Variants in MLH3 observed in about 807,000 individuals in gnomAD.
MLH3 encodes DNA mismatch repair protein Mlh3.
MLH3 carries 82 observed loss-of-function variants against 122.2 expected under a neutral mutation model. The ratio of observed to expected loss-of-function variants is 0.67; its 90% CI spans 0.56 to 0.81. The LOEUF (loss-of-function observed/expected upper bound fraction) is 0.81. Among genes scored for constraint, MLH3 ranks in the 30% least tolerant of loss-of-function variants. The pLI, the probability that MLH3 is intolerant of heterozygous loss-of-function variation, is 0.00. For synonymous variants in MLH3, 524 were observed against 599.5 expected (o/e 0.87, Z 1.84); for missense variants, 1,539 against 1,714.5 (o/e 0.90, Z 1.81).
Position 75,015,303 on chromosome 14 carries a change from A to C in MLH3, c.*1779T>G, listed in dbSNP as rs1284603313. 1 of 177,104 alleles carries C rather than the reference A, an allele frequency of 5.6e-6. No individual in the cohort carries two copies. Among genetic ancestry groups the C allele is most frequent in the Non-Finnish European group, 1.2e-5 (1 of 82,340 alleles). The allele number at this position is 177,104 out of a possible 1,614,324, so 11.0% of individuals were successfully genotyped here. On this transcript the variant is annotated 3_prime_UTR_variant, in exon 13 of 13. Transcript: ENST00000355774. The stretch of plus-strand genomic sequence containing the variant: ...TCTCTTACATTGCTTGAGTCAGGCT[A>C]GTCAGGAAGGCCGGTTACATAATTT...
intron 4 of MLH3, 126 bp downstream of exon 4, chr14:75,041,489 C>T (rs1272674738): frequency 6.6e-6 from 5 of 756,380 alleles, no homozygotes; most frequent in South Asian, 3.1e-5. Context: ...GCGAAGGTTA[C>T]GTGAGCCGAG....
chr14:75,013,914 A>G lies in MLH3; in HGVS notation c.*3168T>C, dbSNP rs1450114066. 5 of 204,514 alleles carry G rather than the reference A, an allele frequency of 2.4e-5. No homozygotes were observed. The highest frequency in any genetic ancestry group is 1.1e-4 in the African/African-American group (5 of 43,752). 12.7% of individuals were successfully genotyped at this position (204,514 alleles called of 1,614,324 possible). A position where few individuals can be genotyped will look rare whatever the true frequency, so the allele number is the denominator to read the frequency against. On this transcript the variant is annotated 3_prime_UTR_variant, in exon 13 of 13. Coordinates refer to ENST00000355774, the MANE Select transcript of MLH3 (RefSeq NM_001040108.2). The stretch of plus-strand genomic sequence containing the variant: ...TTCAGCTTAGAGGGTAAAGACAGGC[A>G]TGATCGCGACTGGCCAGCATACTGG...
rs1892478451 is a variant in MLH3, at chr14:75,049,064, C to T, written c.592G>A (p.Val198Ile). ...SLRNDVSGSM[V>I]LQLPKTKDVC... Reference sequence around the variant, plus strand: ...TCTTTGGTTTTAGGGAGCTGAAGAACCATGGAACCAGAAACATCATTTCTC... The same window carrying T: ...TCTTTGGTTTTAGGGAGCTGAAGAATCATGGAACCAGAAACATCATTTCTC... Residue 198 changes from valine (V) to isoleucine (I), a missense_variant, in exon 2 of 13, where the codon GTT (valine) becomes ATT (isoleucine). By Grantham distance (29) the Val-to-Ile change is conservative. Coordinates refer to ENST00000355774, the MANE Select transcript of MLH3 (RefSeq NM_001040108.2). The T allele has an allele frequency of 1.2e-6, 2 of 1,614,040 alleles. No homozygotes were observed. Among genetic ancestry groups the T allele is most frequent in the East Asian group, 2.2e-5 (1 of 44,882 alleles).
In MLH3 at chr14:75,015,621, T is replaced by A. The variant is rs1889842767; in HGVS notation, c.*1461A>T. On this transcript the variant is annotated 3_prime_UTR_variant, in exon 13 of 13. Coordinates refer to ENST00000355774, the MANE Select transcript of MLH3 (RefSeq NM_001040108.2). The stretch of plus-strand genomic sequence containing the variant: ...TCCTTTCTAAGGTCATGTCTTCCCA[T>A]CTATAAAACATCCGTTTATATGTAT... 1 of 189,478 alleles carries A rather than the reference T, an allele frequency of 5.3e-6. No individual in the cohort carries two copies. Among genetic ancestry groups the A allele is most frequent in the Non-Finnish European group, 1.1e-5 (1 of 90,152 alleles). The allele number at this position is 189,478 out of a possible 1,614,324, so 11.7% of individuals were successfully genotyped here.
intron 2 of MLH3, among the ~76,000 whole-genome samples, chr14:75,045,199 G>A (rs184444014): frequency 5.0e-4 from 76 of 152,238 alleles, no homozygotes; most frequent in Non-Finnish European, 9.1e-4. Context: ...GTGTGGTAGC[G>A]GGTGCCTGTA....
At chr14:75,022,692 C>G (rs1235255095) in intron 11 of MLH3, 122 bp downstream of exon 11, 1 of 913,004 alleles carries the variant, frequency 1.1e-6, no homozygotes, top group Admixed American at 1.7e-5. Flanking sequence ...GTTTCTTGAT[C>G]TAAATTGTAT....
intron 9 of MLH3, among the ~76,000 whole-genome samples, chr14:75,026,730 C>T (rs1372107388): frequency 6.6e-6 from 1 of 152,138 alleles, no homozygotes; most frequent in Admixed American, 6.5e-5. Flanking sequence ...AGTGAACCAT[C>T]GTAAAAGCAA....
rs1892331244 is a variant in MLH3 at position 75,047,509 on chromosome 14, GA to G, written c.2146del (p.Ser716LeufsTer18). 12 of 1,614,116 alleles carry G rather than the reference GA, an allele frequency of 7.4e-6. No individual in the cohort carries two copies. The highest frequency in any genetic ancestry group is 1.0e-5 in the Non-Finnish European group (12 of 1,180,002). ...TDCILSDTSP[S>X]FPWYRHVSND... The stretch of plus-strand genomic sequence containing the variant: ...GGAAACGTGTCTATACCAGGGGAAA[GA>G]GGGGGATGTATCAGATAATATGCAA... On this transcript the variant is annotated frameshift_variant, in exon 2 of 13. Transcript: ENST00000355774. LOFTEE classifies it high-confidence loss of function.
chr14:75,042,339 G>A lies in MLH3; in HGVS notation c.3379+40C>T, dbSNP rs375460742. The A allele has an allele frequency of 1.5e-4, 236 of 1,531,810 alleles. No individual in the cohort carries two copies. Among genetic ancestry groups the A allele is most frequent in the Admixed American group, 1.4e-3 (83 of 59,924 alleles). 94.9% of individuals were successfully genotyped at this position (1,531,810 alleles called of 1,614,324 possible). ...CTTTGTTTTTTGAGTTAGGTGGTACGATGTGTACTGTGTGCCCCAGCACTC... is the reference window on the plus strand; with the variant it reads ...CTTTGTTTTTTGAGTTAGGTGGTACAATGTGTACTGTGTGCCCCAGCACTC... On this transcript the variant is annotated intron_variant, in intron 3 of 12. Coordinates refer to ENST00000355774, the MANE Select transcript of MLH3 (RefSeq NM_001040108.2).
chr14:75,021,126 C>T (rs1446191828), intron 11 of MLH3, among the ~76,000 whole-genome samples: 2 of 152,250 alleles, frequency 1.3e-5, no homozygotes, highest in East Asian at 3.8e-4. Flanking sequence ...ATCCATCCGC[C>T]TTGGTCTCCC....
Position 75,046,419 on chromosome 14 carries a change from A to C in MLH3, c.3237T>G (p.Thr1079=). ...CCACAGCCACAGTTGTCAGGTCTTT[A>C]GTACAAGCAGCCTGAATGTCCTCAG... The part of the protein sequence containing the change: ...APTEDIQAAC[T]KDLTTVAVDV... Residue 1079 remains threonine, a synonymous_variant, in exon 2 of 13, where the codon ACT becomes ACG. Transcript: ENST00000355774. The C allele has an allele frequency of 6.2e-7, 1 of 1,614,206 alleles. No individual in the cohort carries two copies. Among genetic ancestry groups the C allele is most frequent in the Non-Finnish European group, 8.5e-7 (1 of 1,180,028 alleles).
At chr14:75,023,846 C>T (rs1890446456) in intron 9 of MLH3, among the ~76,000 whole-genome samples, 1 of 152,220 alleles carries the variant, frequency 6.6e-6, no homozygotes, top group South Asian at 2.1e-4. Flanking sequence ...TAAAACCAGA[C>T]TCAGGAAATT....
chr14:75,019,041 T>C (rs2139298852), intron 11 of MLH3, 61 bp from the exon 12 acceptor site: 1 of 1,443,588 alleles, frequency 6.9e-7, no homozygotes, highest in Non-Finnish European at 9.7e-7. Flanking sequence ...AATGCTGACC[T>C]TGGGTCACTG....
chr14:75,043,096 C>A (rs938435516), intron 2 of MLH3, among the ~76,000 whole-genome samples: 2 of 152,098 alleles, frequency 1.3e-5, no homozygotes, highest in African/African-American at 4.8e-5. Context: ...TTCATTGTCA[C>A]AACTTGAGTA....
chr14:75,014,250 A>G lies in MLH3; in HGVS notation c.*2832T>C, dbSNP rs1209768307. On this transcript the variant is annotated 3_prime_UTR_variant, in exon 13 of 13. Transcript: ENST00000355774. ...TGCCTGGGTTTTTTCACTGTCTGCC[A>G]TGCGCAGATCCCAGCTGTTCATTTG... is the stretch of plus-strand genomic sequence containing the variant. 2 of 171,826 alleles carry G rather than the reference A, an allele frequency of 1.2e-5. No homozygotes were observed. Among genetic ancestry groups the G allele is most frequent in the South Asian group, 2.0e-4 (1 of 4,982 alleles). 10.6% of individuals were successfully genotyped at this position (171,826 alleles called of 1,614,324 possible).
In MLH3 at chr14:75,045,236, A is replaced by G. The variant is rs549859101; in HGVS notation, c.3280+1140T>C. ...TCCCAGCTACTTGGGAGGCTGAGGC[A>G]GGAGGATCCCTTGAACCTGGGAGGC... On this transcript the variant is annotated intron_variant, in intron 2 of 12. Transcript: ENST00000355774. Among the ~76,000 whole-genome samples, 11 of 152,328 alleles carry G rather than the reference A, an allele frequency of 7.2e-5. No homozygotes were observed. In the East Asian group the frequency reaches 2.1e-3, roughly 29 times the overall value.
intron 9 of MLH3, 101 bp downstream of exon 9, chr14:75,030,442 T>C: frequency 8.2e-7 from 1 of 1,214,498 alleles, no homozygotes; most frequent in Non-Finnish European, 1.2e-6. Context: ...GTAAATACCA[T>C]GAATACTTGT....
In MLH3 at chr14:75,048,921, G is replaced by A. The variant is rs111782152; in HGVS notation, c.735C>T (p.Tyr245=). ...LSGYISSEAH[Y]NKNMQFLFVN... is the part of the protein sequence containing the mutation. ...CAAACAAAAACTGCATATTCTTGTT[G>A]TAATGTGCTTCAGAGCTGATATAGC... Residue 245 remains tyrosine (Y), a synonymous_variant, in exon 2 of 13, where the codon TAC becomes TAT. Coordinates refer to ENST00000355774, the MANE Select transcript of MLH3 (RefSeq NM_001040108.2). 2.9e-4 allele frequency: 464 copies of A among 1,613,344 alleles called. 1 individual carries two copies. The African/African-American group carries it at 5.3e-3, about 18-fold the overall frequency.
rs940809973 is a variant in MLH3 at position 75,014,116 on chromosome 14, C to T, written c.*2966G>A. 3.4e-5 allele frequency: 6 copies of T among 176,672 alleles called. No individual in the cohort carries two copies. Among genetic ancestry groups the T allele is most frequent in the South Asian group, 2.0e-4 (1 of 5,056 alleles). 10.9% of individuals were successfully genotyped at this position (176,672 alleles called of 1,614,324 possible). ...TCAGCTGAGCTGGCTTGTCAGGGCT[C>T]GCTAGGAACTGCTGAGCTGCATCTG... On this transcript the variant is annotated 3_prime_UTR_variant, in exon 13 of 13. Coordinates refer to ENST00000355774, the MANE Select transcript of MLH3 (RefSeq NM_001040108.2).
Sources: allele counts gnomAD v4.1 joint callset (sites outside exome capture counted in the v4.1 genomes callset), GRCh38; gene constraint gnomAD v4.1.1; transcripts MANE v1.5; gene names NCBI Gene and HGNC (gene_info 2026-07-23, HGNC 2026-07-21).